The following PUS7L variants were observed in gnomAD, a reference collection of about 807,000 sequenced individuals.
The protein encoded by PUS7L is pseudouridylate synthase PUS7L.
Under a neutral mutation model 51.1 loss-of-function variants are expected in PUS7L, and 49 were observed. That is an observed-to-expected ratio of 0.96 (90% CI 0.76 to 1.22). PUS7L has a LOEUF of 1.22. Ranked by LOEUF, PUS7L falls within the 50% of genes most tolerant of loss-of-function variation. The pLI is 0.00. For missense variants in PUS7L, 828 were observed against 820.6 expected (o/e 1.01, Z -0.11); for synonymous variants, 277 against 276.2 (o/e 1.00, Z -0.03).
In PUS7L at chr12:43,728,534, T is replaced by A. The variant is rs1944486130; in HGVS notation, c.*1842A>T. The A allele has an allele frequency of 6.6e-6, 1 of 152,074 alleles. No homozygotes were observed. Among genetic ancestry groups the A allele is most frequent in the African/African-American group, 2.4e-5 (1 of 41,422 alleles). 9.4% of individuals were successfully genotyped at this position (152,074 alleles called of 1,614,324 possible). On this transcript the variant is annotated 3_prime_UTR_variant, in exon 9 of 9. Transcript: ENST00000344862. The stretch of plus-strand genomic sequence containing the variant: ...ATTTTTTTTACTACCTAATAGAGGA[T>A]CACTTCATTCTCAATATAACATTAA...
intron 7 of PUS7L, among the ~76,000 whole-genome samples, chr12:43,733,717 T>A (rs1251645907): frequency 6.6e-6 from 1 of 152,184 alleles, no homozygotes; most frequent in Non-Finnish European, 1.5e-5. Flanking sequence ...TTCTGGGAGG[T>A]GTTAAGAAAT....
At chr12:43,745,181 A>G (rs896556058) in intron 4 of PUS7L, among the ~76,000 whole-genome samples, 3 of 152,198 alleles carry the variant, frequency 2.0e-5, no homozygotes, top group Non-Finnish European at 4.4e-5. Flanking sequence ...TGATGTCTAG[A>G]TGATCTAAGA....
intron 3 of PUS7L, 70 bp downstream of exon 3, chr12:43,748,380 A>G: frequency 1.8e-6 from 2 of 1,135,704 alleles, no homozygotes; most frequent in South Asian, 3.1e-5. Context: ...GATGTTTAGA[A>G]ACCATTTAGA....
chr12:43,737,728 C>A (rs1031338204), intron 6 of PUS7L, among the ~76,000 whole-genome samples: 4 of 152,048 alleles, frequency 2.6e-5, no homozygotes, highest in African/African-American at 9.7e-5. Context: ...GAAACTAACA[C>A]AATGATGTCA....
chr12:43,742,869 A>G (rs1937972004), intron 4 of PUS7L, among the ~76,000 whole-genome samples: 1 of 152,134 alleles, frequency 6.6e-6, no homozygotes, highest in African/African-American at 2.4e-5. Context: ...GGGCTTCCAA[A>G]ATGAGTTGAT....
rs1364163896 is a variant in PUS7L, at chr12:43,725,555, A to AT, written c.*4820dup. The AT allele has an allele frequency of 6.6e-6, 1 of 151,950 alleles. No homozygotes were observed. Among genetic ancestry groups the AT allele is most frequent in the Non-Finnish European group, 1.5e-5 (1 of 68,064 alleles). The allele number at this position is 151,950 out of a possible 1,614,324, so 9.4% of individuals were successfully genotyped here. ...CTCAGCCTCCCAAGTAGCCCAGCTA[A>AT]TTTTTTTATTTTTAGTAGAGACAGG... On this transcript the variant is annotated 3_prime_UTR_variant, in exon 9 of 9. Transcript: ENST00000344862.
Position 43,728,018 on chromosome 12 carries a change from A to G in PUS7L, c.*2358T>C, listed in dbSNP as rs1405989268. The G allele has an allele frequency of 1.3e-5, 2 of 152,036 alleles. No homozygotes were observed. Among genetic ancestry groups the G allele is most frequent in the Non-Finnish European group, 2.9e-5 (2 of 67,996 alleles). The allele number at this position is 152,036 out of a possible 1,614,324, so 9.4% of individuals were successfully genotyped here. On this transcript the variant is annotated 3_prime_UTR_variant, in exon 9 of 9. Coordinates refer to ENST00000344862, the MANE Select transcript of PUS7L (RefSeq NM_031292.5). ...GGACATCCTTGCAGTTTAAGATGAC[A>G]CTTTAAAAATAAATTAACTCCTAAT... is the stretch of plus-strand genomic sequence containing the variant.
chr12:43,755,719 G>T (rs758357261), intron 1 of PUS7L, among the ~76,000 whole-genome samples: 1 of 152,148 alleles, frequency 6.6e-6, no homozygotes. Flanking sequence ...GACAGGAGAG[G>T]TGACAAAAAG....
intron 6 of PUS7L, 94 bp from the exon 7 acceptor site, chr12:43,736,755 C>A: frequency 9.0e-7 from 1 of 1,110,330 alleles, no homozygotes; most frequent in Non-Finnish European, 1.3e-6. Flanking sequence ...AGGCAATGAA[C>A]ATGGGTATTA....
At chr12:43,758,661 C>CT in intron 1 of PUS7L, 69 bp downstream of exon 1, 1 of 753,734 alleles carries the variant, frequency 1.3e-6, no homozygotes, top group Non-Finnish European at 1.5e-6. Flanking sequence ...GTCACCCCCC[C>CT]CCCCCACACA....
intron 2 of PUS7L, among the ~76,000 whole-genome samples, chr12:43,750,493 T>C (rs779517536): frequency 5.9e-4 from 90 of 152,246 alleles, no homozygotes; most frequent in East Asian, 1.9e-4. Context: ...ATAAGTTTAA[T>C]GTATAAGATT....
chr12:43,742,495 T>C lies in PUS7L; in HGVS notation c.1324A>G (p.Thr442Ala), dbSNP rs1937949812. 1 of 1,610,920 alleles carries C rather than the reference T, an allele frequency of 6.2e-7. No homozygotes were observed. Among genetic ancestry groups the C allele is most frequent in the Non-Finnish European group, 8.5e-7 (1 of 1,178,842 alleles). The change falls in exon 5 of 9, where the codon ACA becomes GCA. Residue 442 changes from threonine to alanine, a missense_variant. Thr to Ala is a moderately conservative substitution (Grantham distance 58, BLOSUM62 0). Transcript: ENST00000344862. The stretch of plus-strand genomic sequence containing the variant: ...AGCAAAGCTAGTCCAATTTGGTCTG[T>C]GTGAACTTTCCTTCCCTTCCCAAAT... ...QRFGKGRKVH[T>A]DQIGLALLKN...
At chr12:43,738,088 C>G (rs1937697240) in intron 6 of PUS7L, 1 of 413,092 alleles carries the variant, frequency 2.4e-6, no homozygotes, top group East Asian at 4.1e-5. Context: ...CTCCCATTGC[C>G]CCTACCCCTA....
intron 2 of PUS7L, among the ~76,000 whole-genome samples, chr12:43,749,688 C>A (rs189228017): frequency 2.0e-5 from 3 of 152,020 alleles, no homozygotes; most frequent in Non-Finnish European, 4.4e-5. Flanking sequence ...AAAGGTGGTA[C>A]ATATACACCA....
chr12:43,731,846 A>G (rs969848090), intron 7 of PUS7L, 88 bp from the exon 8 acceptor site: 4 of 760,808 alleles, frequency 5.3e-6, no homozygotes, highest in Admixed American at 4.8e-5. Context: ...TATTATATAT[A>G]AATCAGTTCC....
At chr12:43,731,834 T>C (rs993146871) in intron 7 of PUS7L, 76 bp from the exon 8 acceptor site, 11 of 821,606 alleles carry the variant, frequency 1.3e-5, no homozygotes, top group Non-Finnish European at 2.1e-5. Context: ...TTTCCCTAAC[T>C]CTATTATATA....
Position 43,731,704 on chromosome 12 carries a change from C to A in PUS7L, c.1779+1G>T. On this transcript the variant is annotated splice_donor_variant, in intron 8 of 8. Coordinates refer to ENST00000344862, the MANE Select transcript of PUS7L (RefSeq NM_031292.5). LOFTEE classifies it high-confidence loss of function. ...TGATAGTAATTTTTAAGCAAATTTA[C>A]CTGATGTATTGCATACATATTAGCT... 6.5e-7 allele frequency: 1 copy of A among 1,549,404 alleles called. No homozygotes were observed. The highest frequency in any genetic ancestry group is 1.8e-5 in the Admixed American group (1 of 55,818).
intron 5 of PUS7L, among the ~76,000 whole-genome samples, chr12:43,740,380 G>A (rs1455220779): frequency 6.6e-6 from 1 of 152,132 alleles, no homozygotes; most frequent in Non-Finnish European, 1.5e-5. Flanking sequence ...AGAGCATTGA[G>A]TAAAAGAGTC....
At position 43,719,157 on chromosome 12, in the gene PUS7L, C is replaced by T. The variant is rs1307134511; in HGVS notation, c.*11219G>A. On this transcript the variant is annotated 3_prime_UTR_variant, in exon 9 of 9. Transcript: ENST00000344862. Reference sequence around the variant, plus strand: ...AGAATGGAAATTTACATTCCAAACACACACTGAAATAGAGATGCAAAAATC... The same window carrying T: ...AGAATGGAAATTTACATTCCAAACATACACTGAAATAGAGATGCAAAAATC... The T allele has an allele frequency of 6.6e-6, 1 of 151,900 alleles. No homozygotes were observed. The highest frequency in any genetic ancestry group is 1.5e-5 in the Non-Finnish European group (1 of 67,950). The allele number at this position is 151,900 out of a possible 1,614,324, so 9.4% of individuals were successfully genotyped here. A position where few individuals can be genotyped will look rare whatever the true frequency, so the allele number is the denominator to read the frequency against.
Sources: gnomAD v4.1 joint callset for allele counts (sites outside exome capture counted in the v4.1 genomes callset) on GRCh38, gnomAD v4.1.1 for gene constraint, MANE v1.5 for transcripts, NCBI Gene and HGNC (gene_info 2026-07-23, HGNC 2026-07-21) for gene names.